The following DLG1 variants were observed in gnomAD, a reference collection of about 807,000 sequenced individuals.
DLG1 encodes disks large homolog 1.
In DLG1, 42 loss-of-function variants were observed where a neutral mutation model predicts 123.4. The ratio of observed to expected loss-of-function variants is 0.34; its 90% CI spans 0.27 to 0.44. The LOEUF is 0.44. DLG1 is among the 20% of genes least tolerant of loss of function. The probability of loss-of-function intolerance (pLI) is 1.00; values close to 1 mark genes in which losing one functional copy is unlikely to be tolerated. For missense variants in DLG1, 942 were observed against 1,082.6 expected (o/e 0.87, Z 1.82); for synonymous variants, 317 against 356.2 (o/e 0.89, Z 1.24).
At position 197,100,513 on chromosome 3, in the gene DLG1, A is replaced by C. The variant is rs116057752; in HGVS notation, c.1546+4390T>G. ...TATATATTGAGTTTCTTTCCAATTTATTTCTTTTATGGTATTATTACAATA... is the reference window on the plus strand; with the variant it reads ...TATATATTGAGTTTCTTTCCAATTTCTTTCTTTTATGGTATTATTACAATA... On this transcript the variant is annotated intron_variant, in intron 14 of 24. Coordinates refer to ENST00000667157, the MANE Select transcript of DLG1 (RefSeq NM_001366207.1). Among the ~76,000 whole-genome samples, 484 of 152,302 alleles carry C rather than the reference A, an allele frequency of 3.2e-3. 1 individual carries two copies. Among genetic ancestry groups the C allele is most frequent in the Middle Eastern group, 6.8e-3 (2 of 294 alleles).
intron 6 of DLG1, among the ~76,000 whole-genome samples, chr3:197,144,968 C>T (rs982475952): frequency 9.9e-5 from 15 of 152,084 alleles, no homozygotes; most frequent in African/African-American, 3.4e-4. Context: ...AGGCACATGC[C>T]ACCATGCCTG....
At chr3:197,067,310 A>G (rs1363964469) in intron 19 of DLG1, among the ~76,000 whole-genome samples, 1 of 152,062 alleles carries the variant, frequency 6.6e-6, no homozygotes, top group East Asian at 1.9e-4. Context: ...AAAAAATAAT[A>G]AATTTAATGT....
chr3:197,105,105 T>C (rs1210799573), intron 13 of DLG1, 100 bp from the exon 14 acceptor site: 1 of 683,564 alleles, frequency 1.5e-6, no homozygotes. Context: ...AAAAATTAGT[T>C]GCAATAACTT....
intron 14 of DLG1, 30 bp from the exon 15 acceptor site, chr3:197,091,056 T>C: frequency 3.5e-6 from 5 of 1,429,468 alleles, no homozygotes; most frequent in Non-Finnish European, 4.9e-6. Flanking sequence ...AATAAATTGA[T>C]ATATTTTCAA....
Position 197,297,965 on chromosome 3 carries a change from AC to A in DLG1, c.-32+570del, listed in dbSNP as rs1355063250. ...GGGAGGAGCTCCCCTGGGCCGCCGCACCCCCGCGGCCTCGTCCTCCTTCTCG... is the reference window on the plus strand; with the variant it reads ...GGGAGGAGCTCCCCTGGGCCGCCGCACCCCGCGGCCTCGTCCTCCTTCTCG... On this transcript the variant is annotated intron_variant, in intron 1 of 24. Transcript: ENST00000667157. 7 of 975,322 alleles carry A rather than the reference AC, an allele frequency of 7.2e-6. No individual in the cohort carries two copies. In the Admixed American group the frequency reaches 3.7e-4, roughly 52 times the overall value. 60.4% of individuals were successfully genotyped at this position (975,322 alleles called of 1,614,324 possible).
At chr3:197,245,920 A>C (rs1751503872) in intron 4 of DLG1, among the ~76,000 whole-genome samples, 2 of 147,658 alleles carry the variant, frequency 1.4e-5, no homozygotes, top group African/African-American at 5.1e-5. Context: ...GGAGGTGGCA[A>C]ATGAAGGTTA....
intron 17 of DLG1, among the ~76,000 whole-genome samples, chr3:197,080,129 C>A (rs1411127651): frequency 6.6e-6 from 1 of 151,744 alleles, no homozygotes; most frequent in Non-Finnish European, 1.5e-5. Context: ...AGAATTACAT[C>A]CACCAATACG....
chr3:197,069,475 A>T (rs1019806301), intron 18 of DLG1: 3 of 374,336 alleles, frequency 8.0e-6, no homozygotes, highest in African/African-American at 6.3e-5. Context: ...TTTTTGTACA[A>T]CACAGTTTAT....
intron 4 of DLG1, among the ~76,000 whole-genome samples, chr3:197,205,191 G>T (rs12632727): frequency 0.24 from 36,723 of 152,084 alleles, 5,617 homozygotes; most frequent in East Asian, 0.71. Context: ...GTGGGAGGAA[G>T]GGGGAAGCAA....
At chr3:197,113,901 T>A (rs1343132524) in intron 13 of DLG1, among the ~76,000 whole-genome samples, 2 of 152,166 alleles carry the variant, frequency 1.3e-5, no homozygotes. Flanking sequence ...GAATATCGTT[T>A]GAGCCCGTAA....
Position 197,288,550 on chromosome 3 carries a change from T to C in DLG1, c.152-5705A>G, listed in dbSNP as rs533825237. Among the ~76,000 whole-genome samples the C allele has an allele frequency of 4.0e-5, 6 of 148,536 alleles. No homozygotes were observed. In the East Asian group the frequency reaches 1.2e-3, roughly 30 times the overall value. On this transcript the variant is annotated intron_variant, in intron 3 of 24. Coordinates refer to ENST00000667157, the MANE Select transcript of DLG1 (RefSeq NM_001366207.1). ...CAACCTGACCAACATGAAGAAACCC[T>C]GTCTGTATTAAAAATACAAAATTAG... is the stretch of plus-strand genomic sequence containing the variant.
At chr3:197,069,669 G>A (rs1256562755) in intron 18 of DLG1, 1 of 153,422 alleles carries the variant, frequency 6.5e-6, no homozygotes, top group African/African-American at 2.4e-5. Context: ...CCATTTTAAT[G>A]ACGGGATGTC....
At position 197,198,345 on chromosome 3, in the gene DLG1, G is replaced by A. The variant is rs551198911; in HGVS notation, c.319-3756C>T. ...TCTACTCAAAATACAAAAATTAGCC[G>A]GGTGTGGTGGTGGGCACCTGTAGTC... On this transcript the variant is annotated intron_variant, in intron 4 of 24. Coordinates refer to ENST00000667157, the MANE Select transcript of DLG1 (RefSeq NM_001366207.1). Among the ~76,000 whole-genome samples, 219 of 151,974 alleles carry A rather than the reference G, an allele frequency of 1.4e-3. 2 individuals carry two copies. The highest frequency in any genetic ancestry group is 2.3e-3 in the Non-Finnish European group (155 of 67,946).
At chr3:197,205,433 T>C (rs1308238075) in intron 4 of DLG1, among the ~76,000 whole-genome samples, 1 of 152,066 alleles carries the variant, frequency 6.6e-6, no homozygotes, top group East Asian at 1.9e-4. Flanking sequence ...AACATCAAAA[T>C]ATTACAACCC....
At chr3:197,205,280 G>C (rs1438176552) in intron 4 of DLG1, among the ~76,000 whole-genome samples, 1 of 151,794 alleles carries the variant, frequency 6.6e-6, no homozygotes, top group East Asian at 1.9e-4. Context: ...GACTGAATGA[G>C]ATAAAGCCCT....
chr3:197,269,954 A>G (rs1039045050), intron 4 of DLG1, among the ~76,000 whole-genome samples: 1 of 152,230 alleles, frequency 6.6e-6, no homozygotes, highest in African/African-American at 2.4e-5. Context: ...ATATTTTAAA[A>G]TGAATACAAT....
At position 197,271,020 on chromosome 3, in the gene DLG1, A is replaced by G. The variant is rs866572772; in HGVS notation, c.318+11659T>C. Among the ~76,000 whole-genome samples, 3 of 152,218 alleles carry G rather than the reference A, an allele frequency of 2.0e-5. No homozygotes were observed. The East Asian group carries it at 5.8e-4, about 29-fold the overall frequency. ...GTCATTTAAAGGGGGGGAAAAGAAG[A>G]TAAGGAAGACTATTCTATCAGATTA... On this transcript the variant is annotated intron_variant, in intron 4 of 24. Transcript: ENST00000667157.
intron 5 of DLG1, among the ~76,000 whole-genome samples, chr3:197,156,340 C>T (rs1796403651): frequency 6.6e-6 from 1 of 151,792 alleles, no homozygotes; most frequent in African/African-American, 2.4e-5. Flanking sequence ...AAATGTTTCA[C>T]TACAAAAAAT....
At chr3:197,189,428 A>G (rs996092575) in intron 5 of DLG1, among the ~76,000 whole-genome samples, 8 of 152,230 alleles carry the variant, frequency 5.3e-5, no homozygotes, top group African/African-American at 1.7e-4. Flanking sequence ...AACATATTAA[A>G]GTGTGATTTA....
Sources: allele counts gnomAD v4.1 joint callset (sites outside exome capture counted in the v4.1 genomes callset), GRCh38; gene constraint gnomAD v4.1.1; transcripts MANE v1.5; gene names NCBI Gene and HGNC (gene_info 2026-07-23, HGNC 2026-07-21).